The following ASTN1 variants were observed in gnomAD, a reference collection of about 807,000 sequenced individuals.
ASTN1 encodes astrotactin 1.
In ASTN1, 41 loss-of-function variants were observed where a neutral mutation model predicts 140.7. The ratio of observed to expected loss-of-function variants is 0.29; its 90% CI spans 0.23 to 0.38. ASTN1 has a LOEUF of 0.38. ASTN1 is among the 10% of genes least tolerant of loss of function. ASTN1 has a pLI of 1.00. For missense variants in ASTN1, 1,479 were observed against 1,678.8 expected (o/e 0.88, Z 2.08); for synonymous variants, 640 against 652.2 (o/e 0.98, Z 0.29).
intron 16 of ASTN1, among the ~76,000 whole-genome samples, chr1:176,919,262 G>A (rs916180816): frequency 2.0e-5 from 3 of 152,116 alleles, no homozygotes; most frequent in Admixed American, 6.5e-5. Flanking sequence ...ATAAGTATAA[G>A]CATTTTAAGA....
chr1:177,155,335 C>T (rs1253702181), intron 1 of ASTN1, among the ~76,000 whole-genome samples: 4 of 152,112 alleles, frequency 2.6e-5, no homozygotes, highest in African/African-American at 4.8e-5. Flanking sequence ...AGGGAACAAA[C>T]GGCCAACTTT....
At chr1:176,930,988 G>A (rs1467250839) in intron 16 of ASTN1, among the ~76,000 whole-genome samples, 4 of 152,098 alleles carry the variant, frequency 2.6e-5, no homozygotes, top group African/African-American at 9.7e-5. Flanking sequence ...GAGGTCTAGA[G>A]GAAGCAGGGA....
At chr1:176,968,155 G>C (rs1672964410) in intron 8 of ASTN1, among the ~76,000 whole-genome samples, 1 of 152,194 alleles carries the variant, frequency 6.6e-6, no homozygotes, top group African/African-American at 2.4e-5. Context: ...GAGGCAGATG[G>C]TAATAACTGT....
intron 14 of ASTN1, among the ~76,000 whole-genome samples, chr1:176,939,211 C>A (rs188209754): frequency 1.9e-4 from 29 of 152,276 alleles, no homozygotes; most frequent in Non-Finnish European, 2.8e-4. Context: ...CTCCCTACCT[C>A]TCTCTCATCA....
At chr1:177,065,392 C>T (rs1331141823) in intron 1 of ASTN1, among the ~76,000 whole-genome samples, 1 of 152,178 alleles carries the variant, frequency 6.6e-6, no homozygotes, top group Non-Finnish European at 1.5e-5. Flanking sequence ...ATTTTTGGAG[C>T]ACACTATATT....
At chr1:177,056,142 G>GGAAA (rs1677791435) in intron 2 of ASTN1, among the ~76,000 whole-genome samples, 1 of 152,158 alleles carries the variant, frequency 6.6e-6, no homozygotes, top group Non-Finnish European at 1.5e-5. Context: ...ATGCAGCACT[G>GGAAA]GAAACATGAT....
At chr1:177,161,405 C>A (rs546489459) in intron 1 of ASTN1, among the ~76,000 whole-genome samples, 22 of 152,358 alleles carry the variant, frequency 1.4e-4, no homozygotes, top group Admixed American at 8.5e-4. Flanking sequence ...CTAGTCCAAG[C>A]CAAGCCTAAT....
chr1:176,969,622 T>C (rs1166671665), intron 8 of ASTN1, among the ~76,000 whole-genome samples: 1 of 152,096 alleles, frequency 6.6e-6, no homozygotes, highest in Non-Finnish European at 1.5e-5. Flanking sequence ...CAATATTCAT[T>C]TTGTGGAAAG....
intron 17 of ASTN1, among the ~76,000 whole-genome samples, chr1:176,888,819 C>T (rs1669148310): frequency 6.6e-6 from 1 of 152,180 alleles, no homozygotes; most frequent in Non-Finnish European, 1.5e-5. Flanking sequence ...AGTGAGAACT[C>T]CTGCTTTGCC....
At chr1:177,112,940 T>A (rs1481745172) in intron 1 of ASTN1, among the ~76,000 whole-genome samples, 1 of 152,214 alleles carries the variant, frequency 6.6e-6, no homozygotes, top group African/African-American at 2.4e-5. Flanking sequence ...CTCTTTCATA[T>A]TCACTGTAAG....
intron 1 of ASTN1, among the ~76,000 whole-genome samples, chr1:177,118,588 C>A (rs1047604250): frequency 6.6e-6 from 1 of 152,144 alleles, no homozygotes; most frequent in East Asian, 1.9e-4. Flanking sequence ...ATTAACACAG[C>A]CAGCCAAACT....
At chr1:176,970,770 TG>T (rs1254428219) in intron 8 of ASTN1, among the ~76,000 whole-genome samples, 1 of 151,576 alleles carries the variant, frequency 6.6e-6, no homozygotes, top group Non-Finnish European at 1.5e-5. Flanking sequence ...GTATTCTCTT[TG>T]ATATAGTCCA....
At chr1:176,876,034 T>G (rs1055568443) in intron 21 of ASTN1, among the ~76,000 whole-genome samples, 2 of 152,212 alleles carry the variant, frequency 1.3e-5, no homozygotes, top group Non-Finnish European at 2.9e-5. Context: ...CAGCCAGCTA[T>G]TTATCAAAGA....
chr1:177,007,491 AG>A (rs1675055943), intron 8 of ASTN1, among the ~76,000 whole-genome samples: 1 of 152,222 alleles, frequency 6.6e-6, no homozygotes, highest in Non-Finnish European at 1.5e-5. Flanking sequence ...AACTGATAAA[AG>A]GATGCCTTCT....
At chr1:177,077,157 G>T (rs1267243649) in intron 1 of ASTN1, among the ~76,000 whole-genome samples, 5 of 152,010 alleles carry the variant, frequency 3.3e-5, no homozygotes, top group Admixed American at 3.3e-4. Flanking sequence ...CACTTCTGCT[G>T]GGGGTGAAAC....
chr1:177,047,676 G>C (rs1302237118), intron 2 of ASTN1, among the ~76,000 whole-genome samples: 13 of 152,294 alleles, frequency 8.5e-5, no homozygotes, highest in African/African-American at 2.6e-4. Flanking sequence ...TGGTAGTAGA[G>C]AGGGAAAGAA....
intron 1 of ASTN1, among the ~76,000 whole-genome samples, chr1:177,124,426 A>G (rs1044262590): frequency 2.6e-5 from 4 of 152,180 alleles, no homozygotes; most frequent in African/African-American, 7.2e-5. Context: ...CCTCTCCCAC[A>G]AAATTCTCAC....
At chr1:176,985,103 C>T (rs553420475) in intron 8 of ASTN1, among the ~76,000 whole-genome samples, 3 of 152,298 alleles carry the variant, frequency 2.0e-5, no homozygotes, top group South Asian at 2.1e-4. Context: ...TTTTACCCTC[C>T]GAATACCAGT....
At chr1:177,101,624 C>T (rs1680304268) in intron 1 of ASTN1, among the ~76,000 whole-genome samples, 1 of 152,164 alleles carries the variant, frequency 6.6e-6, no homozygotes, top group African/African-American at 2.4e-5. Flanking sequence ...ATTCCAGGTA[C>T]ATAGGCTTGC....
Sources: gnomAD v4.1 joint callset for allele counts (sites outside exome capture counted in the v4.1 genomes callset) on GRCh38, gnomAD v4.1.1 for gene constraint, MANE v1.5 for transcripts, NCBI Gene and HGNC (gene_info 2026-07-23, HGNC 2026-07-21) for gene names.